Variants in RNF17 observed in about 807,000 individuals in gnomAD.
The protein encoded by RNF17 is ring finger protein 17.
RNF17 carries 31 observed loss-of-function variants against 200.5 expected under a neutral mutation model. The observed-to-expected ratio is 0.15, with a 90% CI of 0.12 to 0.21. RNF17 has a LOEUF of 0.21. Among genes scored for constraint, RNF17 ranks in the 10% least tolerant of loss-of-function variants. The probability of loss-of-function intolerance (pLI) is 1.00; values close to 1 mark genes in which losing one functional copy is unlikely to be tolerated. For missense variants in RNF17, 1,628 were observed against 1,905.1 expected (o/e 0.85, Z 2.71); for synonymous variants, 606 against 637.8 (o/e 0.95, Z 0.75).
chr13:24,844,556 T>TG, intron 20 of RNF17, 96 bp from the exon 21 acceptor site: 1 of 973,412 alleles, frequency 1.0e-6, no homozygotes, highest in Non-Finnish European at 1.5e-6. Flanking sequence ...CCAGCTTGGC[T>TG]GGAGCGGAAT....
chr13:24,776,779 T>C (rs1881628102), intron 3 of RNF17, among the ~76,000 whole-genome samples: 1 of 152,234 alleles, frequency 6.6e-6, no homozygotes, highest in South Asian at 2.1e-4. Context: ...CCTACTCAGC[T>C]GTAGCCAGTT....
At chr13:24,748,360 CTG>C in the RNF17 span, among the ~76,000 whole-genome samples, 1 of 152,222 alleles carries the variant, frequency 6.6e-6, no homozygotes, top group Non-Finnish European at 1.5e-5. Context: ...CCCAGATAGC[CTG>C]TGACTTAGAA....
intron 9 of RNF17, among the ~76,000 whole-genome samples, chr13:24,791,953 T>C (rs1207182004): frequency 6.6e-6 from 1 of 152,192 alleles, no homozygotes; most frequent in Non-Finnish European, 1.5e-5. Context: ...CTAAGATAGC[T>C]GATTAGATTC....
intron 33 of RNF17, among the ~76,000 whole-genome samples, chr13:24,876,486 T>C (rs1410109331): frequency 6.6e-6 from 1 of 152,248 alleles, no homozygotes; most frequent in Admixed American, 6.5e-5. Context: ...TGCTTAATTT[T>C]TGAGGAACCT....
In RNF17 at chr13:24,874,229, T is replaced by C. The variant is rs1260964253; in HGVS notation, c.4563T>C (p.Thr1521=). ...TACAATTTGTTGATTATGGATCAAC[T>C]GCAAAGCTGACATTAAACAGGTTAA... ...ILVQFVDYGS[T]AKLTLNRLCQ... is the part of the protein sequence containing the mutation. Residue 1521 remains threonine, a synonymous_variant, in exon 33 of 36, where the codon ACT becomes ACC. Transcript: ENST00000255324. 3 of 1,600,626 alleles carry C rather than the reference T, an allele frequency of 1.9e-6. No individual in the cohort carries two copies. Among genetic ancestry groups the C allele is most frequent in the East Asian group, 2.3e-5 (1 of 44,382 alleles).
chr13:24,783,611 C>A (rs1882721674), intron 6 of RNF17, among the ~76,000 whole-genome samples: 2 of 151,978 alleles, frequency 1.3e-5, no homozygotes, highest in Admixed American at 6.6e-5. Context: ...TAAGTATTTT[C>A]TTTCTTTTGA....
chr13:24,842,227 G>A, intron 19 of RNF17, 66 bp downstream of exon 19: 2 of 1,390,808 alleles, frequency 1.4e-6, no homozygotes, highest in Non-Finnish European at 2.0e-6. Context: ...TCACAAGAAG[G>A]GAAACTGGCA....
chr13:24,826,876 C>A (rs938177756), intron 16 of RNF17, among the ~76,000 whole-genome samples: 5 of 151,882 alleles, frequency 3.3e-5, no homozygotes, highest in African/African-American at 1.2e-4. Flanking sequence ...GCCTGACCAA[C>A]ATGGAGAAAC....
rs764410147 is a variant in RNF17, at chr13:24,864,930, T to G, written c.4033T>G (p.Ser1345Ala). 5 of 1,566,892 alleles carry G rather than the reference T, an allele frequency of 3.2e-6. No homozygotes were observed. Among genetic ancestry groups the G allele is most frequent in the Non-Finnish European group, 4.3e-6 (5 of 1,149,500 alleles). ...TATTCACCTCTATTTTGATGGAATG[T>G]CACTTTCTTATTTTATGGCATACTA... ...LSIHLYFDGM[S>A]LSYFMAYYKY... The change falls in exon 29 of 36, where the codon TCA (serine) becomes GCA (alanine). Residue 1345 changes from serine (S) to alanine (A), a missense_variant. This residue lies in a region of RNF17 where 609 missense variants were observed against 681.9 expected (regional missense o/e 0.89). Transcript: ENST00000255324.
At chr13:24,883,297 T>G (rs1021125822), downstream of RNF17, 4 of 1,613,926 alleles carry the variant, frequency 2.5e-6, no homozygotes, top group African/African-American at 4.0e-5. Flanking sequence ...CATCTGGGTA[T>G]TCCCGTCTCT....
chr13:24,873,357 C>A (rs558796056), intron 32 of RNF17, among the ~76,000 whole-genome samples: 1 of 152,284 alleles, frequency 6.6e-6, no homozygotes, highest in East Asian at 1.9e-4. Context: ...CAACATAAGA[C>A]CAACTGTTCA....
intron 1 of RNF17, 105 bp downstream of exon 1, chr13:24,764,438 T>C (rs1879254619): frequency 7.1e-7 from 1 of 1,410,990 alleles, no homozygotes; most frequent in African/African-American, 1.4e-5. Context: ...CATCCAATCC[T>C]GGTGTCACCA....
intron 17 of RNF17, 85 bp downstream of exon 17, chr13:24,830,684 G>A (rs529274652): frequency 2.1e-6 from 2 of 954,140 alleles, no homozygotes; most frequent in East Asian, 2.4e-5. Context: ...TCATAGAAAT[G>A]TTAGTGTCCC....
chr13:24,883,106 A>G, downstream of RNF17: 2 of 1,314,858 alleles, frequency 1.5e-6, no homozygotes, highest in South Asian at 2.4e-5. Flanking sequence ...AATTAAACAG[A>G]ATCCACAGTA....
intron 15 of RNF17, among the ~76,000 whole-genome samples, chr13:24,815,715 T>C (rs1887317450): frequency 6.6e-6 from 1 of 152,214 alleles, no homozygotes; most frequent in African/African-American, 2.4e-5. Flanking sequence ...TTTTCCCAAA[T>C]GACCTTTACC....
chr13:24,815,428 GGTGTGTGTGTGTGTGTGTGTGTGTGTGT>G (rs60054136), intron 15 of RNF17, among the ~76,000 whole-genome samples: 1 of 144,100 alleles, frequency 6.9e-6, no homozygotes, highest in African/African-American at 2.6e-5. Flanking sequence ...GCCCTAACGG[GGTGTGTGTGTGTGTGTGTGTGTGTGTGT>G]GTGTGTGTGT....
intron 15 of RNF17, among the ~76,000 whole-genome samples, chr13:24,811,019 T>TCTGAGGGGCTTCCCTTTGAGGGTAACC (rs1886541025): frequency 6.6e-6 from 1 of 152,120 alleles, no homozygotes; most frequent in African/African-American, 2.4e-5. Context: ...CCACTGTTAG[T>TCTGAGGGGCTTCCCTTTGAGGGTAACC]CTGAGGGGCT....
intron 2 of RNF17, among the ~76,000 whole-genome samples, chr13:24,767,584 C>G (rs750724398): frequency 6.6e-6 from 1 of 151,992 alleles, no homozygotes. Flanking sequence ...CCCGTCTCTA[C>G]TAAAAATACA....
chr13:24,767,410 G>A lies in RNF17; in HGVS notation c.225+44G>A, dbSNP rs755365087. The A allele has an allele frequency of 2.3e-6, 3 of 1,291,842 alleles. No homozygotes were observed. The African/African-American group carries it at 4.4e-5, about 19-fold the overall frequency. The allele number at this position is 1,291,842 out of a possible 1,614,324, so 80.0% of individuals were successfully genotyped here. A position where few individuals can be genotyped will look rare whatever the true frequency, so the allele number is the denominator to read the frequency against. On this transcript the variant is annotated intron_variant, in intron 2 of 35. Transcript: ENST00000255324. ...CAGATGAAACATATCACAACCTAAT[G>A]TTAATGGTAAAAATACTACAGTAGT...
Sources: gnomAD v4.1 joint callset for allele counts (sites outside exome capture counted in the v4.1 genomes callset) on GRCh38, gnomAD v4.1.1 for gene constraint, gnomAD v4.1.1 regional missense constraint, MANE v1.5 for transcripts, NCBI Gene and HGNC (gene_info 2026-07-23, HGNC 2026-07-21) for gene names.